GABBR1: variants seen among roughly 807,000 people sequenced by gnomAD.
GABBR1 encodes GABA-B receptor, R1 subunit.
A neutral mutation model predicts 117.7 loss-of-function variants in GABBR1; 35 were observed. That is an observed-to-expected ratio of 0.30 (90% CI 0.23 to 0.39). GABBR1 has a LOEUF of 0.39. GABBR1 is among the 10% of genes least tolerant of loss of function. The pLI, the probability that GABBR1 is intolerant of heterozygous loss-of-function variation, is 1.00. For missense variants in GABBR1, 709 were observed against 1,241.8 expected (o/e 0.57, Z 6.45); for synonymous variants, 442 against 486.6 (o/e 0.91, Z 1.21).
rs1040980290 is a variant in GABBR1, at chr6:29,611,297, C to T, written c.1631-296G>A. 5.9e-6 allele frequency: 2 copies of T among 338,476 alleles called. No individual in the cohort carries two copies. The highest frequency in any genetic ancestry group is 1.1e-5 in the Non-Finnish European group (2 of 187,806). The allele number at this position is 338,476 out of a possible 1,614,324, so 21.0% of individuals were successfully genotyped here. A position where few individuals can be genotyped will look rare whatever the true frequency, so the allele number is the denominator to read the frequency against. On this transcript the variant is annotated intron_variant, in intron 13 of 22. Coordinates refer to ENST00000377034, the MANE Select transcript of GABBR1 (RefSeq NM_001470.4). The surrounding 1 kb of genome is among the most constrained non-coding windows in gnomAD (Gnocchi z 4.6). ...CCTATTCCATTCCTCACACCTCTCTCGGCGAGATGTCTCTCACTTTGATTT... is the reference window on the plus strand; with the variant it reads ...CCTATTCCATTCCTCACACCTCTCTTGGCGAGATGTCTCTCACTTTGATTT...
At chr6:29,616,449 G>A (rs1296202492) in intron 11 of GABBR1, among the ~76,000 whole-genome samples, 1 of 151,954 alleles carries the variant, frequency 6.6e-6, no homozygotes, top group Non-Finnish European at 1.5e-5. Context: ...ACTTCAGGAG[G>A]CTGAGGAGGG....
At chr6:29,616,433 C>T (rs1270461930) in intron 11 of GABBR1, among the ~76,000 whole-genome samples, 1 of 151,066 alleles carries the variant, frequency 6.6e-6, no homozygotes, top group Non-Finnish European at 1.5e-5. Flanking sequence ...CGCCTGTAAT[C>T]CCAGCACTTC....
At position 29,630,315 on chromosome 6, in the gene GABBR1, A is replaced by C. The variant is rs29241; in HGVS notation, c.475+143T>G. 0.058 allele frequency: 40,844 copies of C among 698,758 alleles called. 1,566 individuals are homozygous for C. Among genetic ancestry groups the C allele is most frequent in the South Asian group, 0.12 (5,940 of 49,680 alleles). The allele number at this position is 698,758 out of a possible 1,614,324, so 43.3% of individuals were successfully genotyped here. The stretch of plus-strand genomic sequence containing the variant: ...GAAGTTTGAGGCAGGTGATGGAGGA[A>C]AAAGGGACTTTCATCTCCCCTTTCC... On this transcript the variant is annotated intron_variant, in intron 4 of 22. Transcript: ENST00000377034. This position sits in a 1 kb window ranked among gnomAD's most constrained non-coding sequence, Gnocchi z 4.9.
At position 29,621,910 on chromosome 6, in the gene GABBR1, A is replaced by G; in HGVS notation, c.1066-93T>C. The stretch of plus-strand genomic sequence containing the variant: ...TTCACAGCTTTGATTTCCCATCCCA[A>G]AGTGCTTAGTGCAGGGTAACGCTCA... On this transcript the variant is annotated intron_variant, in intron 9 of 22. Coordinates refer to ENST00000377034, the MANE Select transcript of GABBR1 (RefSeq NM_001470.4). This position sits in a 1 kb window ranked among gnomAD's most constrained non-coding sequence, Gnocchi z 5.0. The G allele has an allele frequency of 7.5e-7, 1 of 1,330,610 alleles. No homozygotes were observed. The highest frequency in any genetic ancestry group is 1.1e-6 in the Non-Finnish European group (1 of 929,062). 82.4% of individuals were successfully genotyped at this position (1,330,610 alleles called of 1,614,324 possible).
At chr6:29,619,297 C>G (rs1458528180) in intron 11 of GABBR1, among the ~76,000 whole-genome samples, 1 of 152,232 alleles carries the variant, frequency 6.6e-6, no homozygotes, top group Non-Finnish European at 1.5e-5. Flanking sequence ...TTTGATTAAT[C>G]TATAATCTCT....
In GABBR1 at chr6:29,607,282, T is replaced by A. The variant is rs1252867318; in HGVS notation, c.1993-64A>T. On this transcript the variant is annotated intron_variant, in intron 16 of 22. Transcript: ENST00000377034. This position sits in a 1 kb window ranked among gnomAD's most constrained non-coding sequence, Gnocchi z 5.0. ...GTAGTAGCCGGGACTGCAGTAAGGA[T>A]GGGCAGAACCCTAAGGGAGAGTGGG... 33 of 1,306,340 alleles carry A rather than the reference T, an allele frequency of 2.5e-5. No individual in the cohort carries two copies. The highest frequency in any genetic ancestry group is 3.6e-5 in the Non-Finnish European group (33 of 905,442). The allele number at this position is 1,306,340 out of a possible 1,614,324, so 80.9% of individuals were successfully genotyped here. A position where few individuals can be genotyped will look rare whatever the true frequency, so the allele number is the denominator to read the frequency against.
rs1308971906 is a variant in GABBR1, at chr6:29,604,992, G to A, written c.2440-4C>T. The A allele has an allele frequency of 3.1e-6, 5 of 1,608,706 alleles. No individual in the cohort carries two copies. In the Admixed American group the frequency reaches 8.4e-5, roughly 27 times the overall value. On this transcript the variant is annotated splice_polypyrimidine_tract_variant and splice_region_variant and intron_variant, in intron 20 of 22. Transcript: ENST00000377034. The surrounding 1 kb of genome is among the most constrained non-coding windows in gnomAD (Gnocchi z 5.3). Reference sequence around the variant, plus strand: ...GAGCAGTGATGAGGCACAGGACCTAGAGGGAAAGACACATTGAGGGAGTCT... The same window carrying A: ...GAGCAGTGATGAGGCACAGGACCTAAAGGGAAAGACACATTGAGGGAGTCT...
At chr6:29,618,162 T>C (rs1320779175) in intron 11 of GABBR1, among the ~76,000 whole-genome samples, 5 of 152,128 alleles carry the variant, frequency 3.3e-5, no homozygotes, top group Admixed American at 1.3e-4. Flanking sequence ...AATTGAAAGA[T>C]TGGTCTATCC....
Position 29,605,131 on chromosome 6 carries a change from T to A in GABBR1, c.2440-143A>T. ...AAAGGATCCAAATTCAGGATCATCC[T>A]CAAATATAGATTGAGAAAAATCTCA... On this transcript the variant is annotated intron_variant, in intron 20 of 22. Coordinates refer to ENST00000377034, the MANE Select transcript of GABBR1 (RefSeq NM_001470.4). The surrounding 1 kb of genome is among the most constrained non-coding windows in gnomAD (Gnocchi z 4.2). 1 of 876,066 alleles carries A rather than the reference T, an allele frequency of 1.1e-6. No individual in the cohort carries two copies. 54.3% of individuals were successfully genotyped at this position (876,066 alleles called of 1,614,324 possible). A position where few individuals can be genotyped will look rare whatever the true frequency, so the allele number is the denominator to read the frequency against.
intron 5 of GABBR1, among the ~76,000 whole-genome samples, chr6:29,628,724 G>T (rs998057679): frequency 1.3e-5 from 2 of 152,086 alleles, no homozygotes; most frequent in Non-Finnish European, 2.9e-5. Context: ...GGCTGGAAAA[G>T]GTTCCAGCGA....
Position 29,606,823 on chromosome 6 carries a change from C to T in GABBR1, c.2217+74G>A. The T allele has an allele frequency of 1.6e-6, 2 of 1,267,744 alleles. No homozygotes were observed. The highest frequency in any genetic ancestry group is 2.3e-6 in the Non-Finnish European group (2 of 875,614). 78.5% of individuals were successfully genotyped at this position (1,267,744 alleles called of 1,614,324 possible). Reference sequence around the variant, plus strand: ...AAGTAGCTTCATCCCTCAAGACACACACAGCCCCAGGGCCCTGATGGCCAC... The same window carrying T: ...AAGTAGCTTCATCCCTCAAGACACATACAGCCCCAGGGCCCTGATGGCCAC... On this transcript the variant is annotated intron_variant, in intron 18 of 22. Coordinates refer to ENST00000377034, the MANE Select transcript of GABBR1 (RefSeq NM_001470.4). The surrounding 1 kb of genome is among the most constrained non-coding windows in gnomAD (Gnocchi z 4.5).
chr6:29,632,495 C>G lies in GABBR1; in HGVS notation c.1-110G>C. 6 of 1,054,456 alleles carry G rather than the reference C, an allele frequency of 5.7e-6. No homozygotes were observed. The highest frequency in any genetic ancestry group is 7.7e-6 in the Non-Finnish European group (6 of 780,386). The allele number at this position is 1,054,456 out of a possible 1,614,324, so 65.3% of individuals were successfully genotyped here. A position where few individuals can be genotyped will look rare whatever the true frequency, so the allele number is the denominator to read the frequency against. On this transcript the variant is annotated intron_variant, in intron 1 of 22. Transcript: ENST00000377034. The surrounding 1 kb of genome is among the most constrained non-coding windows in gnomAD (Gnocchi z 5.8). ...CCTCGCAGGCTCCGACCGGGCTCAG[C>G]CTGGGGACCAAGAGAGCGCCCCGCG... is the stretch of plus-strand genomic sequence containing the variant.
At chr6:29,608,535 G>A (rs1762190896) in intron 16 of GABBR1, 66 bp downstream of exon 16, 4 of 1,526,140 alleles carry the variant, frequency 2.6e-6, no homozygotes, top group African/African-American at 2.8e-5. Flanking sequence ...CATAAATCAT[G>A]GAAGGTGCTC....
Position 29,622,051 on chromosome 6 carries a change from TCCCCCAGCTTGGTC to T in GABBR1, c.1065+39_1065+52del. ...GGCTTTCCTCTCCAACCAGTCACTG[TCCCCCAGCTTGGTC>T]CCTCCGTAAACAGAGCCCACCACTC... On this transcript the variant is annotated intron_variant, in intron 9 of 22. Transcript: ENST00000377034. The surrounding 1 kb of genome is among the most constrained non-coding windows in gnomAD (Gnocchi z 4.6). The T allele has an allele frequency of 1.4e-6, 2 of 1,477,250 alleles. No individual in the cohort carries two copies. Among genetic ancestry groups the T allele is most frequent in the Non-Finnish European group, 1.9e-6 (2 of 1,057,044 alleles). The allele number at this position is 1,477,250 out of a possible 1,614,324, so 91.5% of individuals were successfully genotyped here.
In GABBR1 at chr6:29,607,074, G is replaced by A. The variant is rs188863551; in HGVS notation, c.2109+28C>T. On this transcript the variant is annotated intron_variant, in intron 17 of 22. Transcript: ENST00000377034. This position sits in a 1 kb window ranked among gnomAD's most constrained non-coding sequence, Gnocchi z 5.0. ...TCTGTGCCCCAGGAGCCAAGGATCT[G>A]GGGGCTGAGGATTGGGCAGCAGCTC... 526 of 1,607,356 alleles carry A rather than the reference G, an allele frequency of 3.3e-4. 4 individuals are homozygous for A. The highest frequency in any genetic ancestry group is 2.3e-3 in the South Asian group (211 of 90,936).
chr6:29,608,335 T>G (rs1349072905), intron 16 of GABBR1: 2 of 376,366 alleles, frequency 5.3e-6, no homozygotes, highest in Non-Finnish European at 4.8e-6. Context: ...TCCTTTGCCT[T>G]CAATGGCTCC....
At position 29,621,008 on chromosome 6, in the gene GABBR1, C is replaced by T. The variant is rs529239380; in HGVS notation, c.1323+93G>A. 156 of 1,093,240 alleles carry T rather than the reference C, an allele frequency of 1.4e-4. No homozygotes were observed. The highest frequency in any genetic ancestry group is 1.9e-4 in the Non-Finnish European group (149 of 764,642). The allele number at this position is 1,093,240 out of a possible 1,614,324, so 67.7% of individuals were successfully genotyped here. A position where few individuals can be genotyped will look rare whatever the true frequency, so the allele number is the denominator to read the frequency against. ...CCCTCTTCTCCTTTATATCCAAATT[C>T]CGCACCCTCTCCCTGCCACCCTTTC... On this transcript the variant is annotated intron_variant, in intron 11 of 22. Coordinates refer to ENST00000377034, the MANE Select transcript of GABBR1 (RefSeq NM_001470.4). This position sits in a 1 kb window ranked among gnomAD's most constrained non-coding sequence, Gnocchi z 5.0.
chr6:29,606,785 A>C lies in GABBR1; in HGVS notation c.2217+112T>G. ...AAAGGAAGAGCTTCCAATACGAGGA[A>C]GGCACTCTCTCCAAGTAGCTTCATC... On this transcript the variant is annotated intron_variant, in intron 18 of 22. Coordinates refer to ENST00000377034, the MANE Select transcript of GABBR1 (RefSeq NM_001470.4). This position sits in a 1 kb window ranked among gnomAD's most constrained non-coding sequence, Gnocchi z 4.5. 1.2e-6 allele frequency: 1 copy of C among 833,864 alleles called. No homozygotes were observed. The highest frequency in any genetic ancestry group is 1.9e-6 in the Non-Finnish European group (1 of 518,236). 51.7% of individuals were successfully genotyped at this position (833,864 alleles called of 1,614,324 possible). A position where few individuals can be genotyped will look rare whatever the true frequency, so the allele number is the denominator to read the frequency against.
chr6:29,605,821 C>T lies in GABBR1; in HGVS notation c.2312-125G>A, dbSNP rs140026528. ...GGGGGCCCTCCTCTCCAATCCAACC[C>T]CTCTGACCTAGCAAACCTCACCCTG... On this transcript the variant is annotated intron_variant, in intron 19 of 22. Transcript: ENST00000377034. The surrounding 1 kb of genome is among the most constrained non-coding windows in gnomAD (Gnocchi z 4.2). 4.9e-5 allele frequency: 58 copies of T among 1,188,550 alleles called. No homozygotes were observed. The highest frequency in any genetic ancestry group is 6.8e-5 in the Non-Finnish European group (58 of 853,090). 73.6% of individuals were successfully genotyped at this position (1,188,550 alleles called of 1,614,324 possible). A position where few individuals can be genotyped will look rare whatever the true frequency, so the allele number is the denominator to read the frequency against.
Sources: gnomAD v4.1 joint callset for allele counts (sites outside exome capture counted in the v4.1 genomes callset) on GRCh38, gnomAD v4.1.1 for gene constraint, Gnocchi (gnomAD v3.1) non-coding constraint, MANE v1.5 for transcripts, NCBI Gene and HGNC (gene_info 2026-07-23, HGNC 2026-07-21) for gene names.